The following VMP1 variants were observed in gnomAD, a reference collection of about 807,000 sequenced individuals.
VMP1 encodes the protein vacuole membrane protein 1, also known as ectopic P-granules autophagy protein 3 homolog.
VMP1 carries 11 observed loss-of-function variants against 56.0 expected under a neutral mutation model. The ratio of observed to expected loss-of-function variants is 0.20; its 90% CI spans 0.12 to 0.32. The LOEUF (loss-of-function observed/expected upper bound fraction) is 0.32, where lower values mean the gene tolerates loss of function less well. Among genes scored for constraint, VMP1 ranks in the 10% least tolerant of loss-of-function variants. The pLI, the probability that VMP1 is intolerant of heterozygous loss-of-function variation, is 1.00. For synonymous variants in VMP1, 149 were observed against 165.0 expected, an observed-to-expected ratio of 0.90 and a Z score of 0.74; for missense variants, 296 against 490.3, an observed-to-expected ratio of 0.60 and a Z score of 3.74.
intron 1 of VMP1, among the ~76,000 whole-genome samples, chr17:59,723,534 A>C (rs1463602266): frequency 6.6e-6 from 1 of 152,206 alleles, no homozygotes; most frequent in Non-Finnish European, 1.5e-5. Flanking sequence ...TCACAAAAGC[A>C]ATTTATTTTT....
At chr17:59,770,394 T>C (rs1158765509) in intron 6 of VMP1, among the ~76,000 whole-genome samples, 1 of 152,010 alleles carries the variant, frequency 6.6e-6, no homozygotes, top group African/African-American at 2.4e-5. Flanking sequence ...TAGTTTATAT[T>C]GTTGTATCTA....
intron 1 of VMP1, among the ~76,000 whole-genome samples, chr17:59,717,065 C>G (rs1740894927): frequency 6.6e-6 from 1 of 151,968 alleles, no homozygotes; most frequent in African/African-American, 2.4e-5. Context: ...TTGCAAGCTC[C>G]GCCTCCCGGG....
At chr17:59,735,920 A>C (rs966492652) in intron 3 of VMP1, among the ~76,000 whole-genome samples, 3 of 152,212 alleles carry the variant, frequency 2.0e-5, no homozygotes, top group Non-Finnish European at 2.9e-5. Context: ...TAGTACTTGT[A>C]AGCCCTGTTT....
chr17:59,731,581 T>C (rs540785801), intron 2 of VMP1, 59 bp downstream of exon 2: 94 of 1,235,592 alleles, frequency 7.6e-5, no homozygotes, highest in Non-Finnish European at 1.0e-4. Context: ...TACTTTTCAT[T>C]GGAATAAAAT....
intron 5 of VMP1, among the ~76,000 whole-genome samples, chr17:59,748,750 C>T (rs1487026226): frequency 1.3e-5 from 2 of 151,892 alleles, no homozygotes; most frequent in Non-Finnish European, 2.9e-5. Context: ...GGAACATTTC[C>T]CACAATTGAT....
At chr17:59,780,714 G>T (rs928011787) in intron 7 of VMP1, among the ~76,000 whole-genome samples, 2 of 152,086 alleles carry the variant, frequency 1.3e-5, no homozygotes, top group African/African-American at 4.8e-5. Context: ...AGCCTCACAA[G>T]TAGCTGGGAT....
chr17:59,839,837 A>G lies in VMP1; in HGVS notation c.1147A>G (p.Ile383Val). 1 of 1,613,760 alleles carries G rather than the reference A, an allele frequency of 6.2e-7. No homozygotes were observed. Among genetic ancestry groups the G allele is most frequent in the Middle Eastern group, 1.7e-4 (1 of 6,060 alleles). Residue 383 changes from isoleucine (I) to valine (V), a missense_variant, in exon 12 of 12, where the codon ATC (isoleucine) becomes GTC (valine). Ile to Val is a conservative substitution (Grantham distance 29). This residue lies in a region of VMP1 where 95 missense variants were observed against 137.6 expected (regional missense o/e 0.69). Coordinates refer to ENST00000262291, the MANE Select transcript of VMP1 (RefSeq NM_030938.5). Reference protein sequence around the residue: ...VVMVCYFILSIINSMAQSYAK... With the variant: ...VVMVCYFILSVINSMAQSYAK... ...CATGGTGTGTTACTTCATCCTATCT[A>G]TCATTAACTCCATGGCACAAAGTTA...
rs191648327 is a variant in VMP1 at position 59,789,063 on chromosome 17, G to A, written c.714+15178G>A. Among the ~76,000 whole-genome samples, 386 of 151,698 alleles carry A rather than the reference G, an allele frequency of 2.5e-3. 2 individuals carry two copies. Among genetic ancestry groups the A allele is most frequent in the African/African-American group, 8.3e-3 (343 of 41,420 alleles). On this transcript the variant is annotated intron_variant, in intron 7 of 11. Coordinates refer to ENST00000262291, the MANE Select transcript of VMP1 (RefSeq NM_030938.5). ...CCTAGCGCTCTGGGAGGCCGAGGAGGGTGGATCACGAGGTCAGGAGATCAA... is the reference window on the plus strand; with the variant it reads ...CCTAGCGCTCTGGGAGGCCGAGGAGAGTGGATCACGAGGTCAGGAGATCAA...
At chr17:59,808,273 G>T (rs866368270) in intron 7 of VMP1, among the ~76,000 whole-genome samples, 1 of 152,178 alleles carries the variant, frequency 6.6e-6, no homozygotes, top group Non-Finnish European at 1.5e-5. Flanking sequence ...AGAATCGAAG[G>T]CTCAAATAAA....
chr17:59,726,032 A>G (rs1052490191), intron 1 of VMP1, among the ~76,000 whole-genome samples: 2 of 152,182 alleles, frequency 1.3e-5, no homozygotes, highest in African/African-American at 4.8e-5. Context: ...GTTTTGTAGG[A>G]GAAAGGTTTT....
At chr17:59,725,166 GATAATA>G (rs970989801) in intron 1 of VMP1, among the ~76,000 whole-genome samples, 3 of 151,656 alleles carry the variant, frequency 2.0e-5, no homozygotes, top group Non-Finnish European at 4.4e-5. Flanking sequence ...AAATAATAAT[GATAATA>G]ATAATAATAA....
chr17:59,782,765 T>A (rs181344327), intron 7 of VMP1, among the ~76,000 whole-genome samples: 3 of 151,402 alleles, frequency 2.0e-5, no homozygotes, highest in Admixed American at 6.6e-5. Context: ...AAATATGGGT[T>A]TTTATTTTTG....
At chr17:59,735,976 TG>T (rs752137395) in intron 3 of VMP1, among the ~76,000 whole-genome samples, 2 of 152,240 alleles carry the variant, frequency 1.3e-5, no homozygotes, top group Non-Finnish European at 2.9e-5. Flanking sequence ...CCTTATCTTC[TG>T]GCATGCCCTT....
At chr17:59,784,142 T>TATGTGA (rs1555621323) in intron 7 of VMP1, among the ~76,000 whole-genome samples, 11 of 130,376 alleles carry the variant, frequency 8.4e-5, no homozygotes, top group Non-Finnish European at 1.6e-4. Flanking sequence ...TGTGTGTGTG[T>TATGTGA]GAGAGAGAGA....
chr17:59,804,897 G>A (rs2037795866), intron 7 of VMP1, among the ~76,000 whole-genome samples: 1 of 152,022 alleles, frequency 6.6e-6, no homozygotes, highest in Non-Finnish European at 1.5e-5. Flanking sequence ...TAGATTATTT[G>A]ATATATAATG....
chr17:59,765,702 G>A (rs111317503), intron 6 of VMP1, among the ~76,000 whole-genome samples: 28 of 151,986 alleles, frequency 1.8e-4, no homozygotes, highest in African/African-American at 5.1e-4. Context: ...AGGAGGAGGC[G>A]GAGGGAAAGA....
At chr17:59,828,347 G>A (rs1399219715) in intron 10 of VMP1, among the ~76,000 whole-genome samples, 1 of 152,184 alleles carries the variant, frequency 6.6e-6, no homozygotes, top group African/African-American at 2.4e-5. Context: ...TAGGGCAATT[G>A]CAGATTATTT....
At chr17:59,800,934 T>C (rs1201503238) in intron 7 of VMP1, among the ~76,000 whole-genome samples, 3 of 151,390 alleles carry the variant, frequency 2.0e-5, no homozygotes, top group Non-Finnish European at 2.9e-5. Flanking sequence ...ACAAAAATTA[T>C]CTGGGCCTGG....
intron 1 of VMP1, among the ~76,000 whole-genome samples, chr17:59,717,159 A>G (rs1201215131): frequency 6.6e-6 from 1 of 151,228 alleles, no homozygotes; most frequent in Admixed American, 6.6e-5. Context: ...TTTCATAGAC[A>G]CGGAGTTTCA....
Sources: allele counts gnomAD v4.1 joint callset (sites outside exome capture counted in the v4.1 genomes callset), GRCh38; gene constraint gnomAD v4.1.1; regional missense constraint gnomAD v4.1.1; transcripts MANE v1.5; gene names NCBI Gene and HGNC (gene_info 2026-07-23, HGNC 2026-07-21).